Variants in CTBP2 observed in about 807,000 individuals in gnomAD.
The protein encoded by CTBP2 is C-terminal binding protein 2.
In CTBP2, 30 loss-of-function variants were observed where a neutral mutation model predicts 80.3. The observed-to-expected ratio is 0.37, with a 90% confidence interval of 0.28 to 0.51. CTBP2 has a LOEUF of 0.51. Among genes scored for constraint, CTBP2 ranks in the 20% least tolerant of loss-of-function variants. The pLI is 0.93. For synonymous variants in CTBP2, 594 were observed against 587.4 expected (o/e 1.01, Z -0.16); for missense variants, 1,212 against 1,375.3 (o/e 0.88, Z 1.88).
chr10:125,079,148 A>AG (rs1302888634), intron 2 of CTBP2, among the ~76,000 whole-genome samples: 2 of 61,612 alleles, frequency 3.2e-5, no homozygotes, highest in Non-Finnish European at 5.6e-5. Flanking sequence ...CCTTGTCTCG[A>AG]GGAAAAAAAA....
intron 2 of CTBP2, among the ~76,000 whole-genome samples, chr10:125,109,768 G>T (rs77818295): frequency 1.3e-5 from 2 of 152,234 alleles, no homozygotes; most frequent in Non-Finnish European, 2.9e-5. Context: ...CAAGCTTAAA[G>T]GGTGGGGAGG....
intron 2 of CTBP2, among the ~76,000 whole-genome samples, chr10:125,063,563 T>A (rs1844161947): frequency 6.6e-6 from 1 of 152,190 alleles, no homozygotes; most frequent in Non-Finnish European, 1.5e-5. Flanking sequence ...AAAATGCTCA[T>A]CCTCTGGCTC....
intron 2 of CTBP2, among the ~76,000 whole-genome samples, chr10:125,098,311 C>A (rs1297558192): frequency 6.6e-6 from 1 of 152,138 alleles, no homozygotes; most frequent in Non-Finnish European, 1.5e-5. Flanking sequence ...GGAACTTAGG[C>A]AGACTACTCC....
intron 2 of CTBP2, among the ~76,000 whole-genome samples, chr10:125,084,613 G>A (rs1379690895): frequency 6.6e-6 from 1 of 152,234 alleles, no homozygotes; most frequent in East Asian, 1.9e-4. Context: ...TCCGGGGGTG[G>A]CCCCAGTTAA....
intron 1 of CTBP2, among the ~76,000 whole-genome samples, chr10:125,129,496 G>C (rs1855802090): frequency 6.6e-6 from 1 of 152,100 alleles, no homozygotes; most frequent in African/African-American, 2.4e-5. Flanking sequence ...CCGTGCTCCA[G>C]GTGAAGATCT....
At chr10:125,043,342 C>T (rs1261579292) in intron 2 of CTBP2, among the ~76,000 whole-genome samples, 1 of 152,258 alleles carries the variant, frequency 6.6e-6, no homozygotes, top group Non-Finnish European at 1.5e-5. Context: ...TCGCCACCAT[C>T]ATGAGGTTCT....
chr10:124,992,968 G>A (rs1442086891), intron 7 of CTBP2, among the ~76,000 whole-genome samples, 156 bp from the exon 10 acceptor site: 1 of 152,144 alleles, frequency 6.6e-6, no homozygotes, highest in Non-Finnish European at 1.5e-5. Context: ...CTGACCTTCA[G>A]CCTCTGTGTG....
At chr10:125,156,113 T>C (rs1860871869) in intron 1 of CTBP2, among the ~76,000 whole-genome samples, 1 of 152,182 alleles carries the variant, frequency 6.6e-6, no homozygotes, top group South Asian at 2.1e-4. Flanking sequence ...ACTACAAAAA[T>C]ATGTTCCACC....
At chr10:125,156,475 AG>A (rs1390685001) in intron 1 of CTBP2, among the ~76,000 whole-genome samples, 1 of 152,248 alleles carries the variant, frequency 6.6e-6, no homozygotes, top group Non-Finnish European at 1.5e-5. Flanking sequence ...TCATGATGTT[AG>A]TGAACTGTTG....
At chr10:125,015,365 T>C (rs1222826885) in intron 1 of CTBP2, among the ~76,000 whole-genome samples, 1 of 152,256 alleles carries the variant, frequency 6.6e-6, no homozygotes, top group African/African-American at 2.4e-5. Flanking sequence ...GAAGCACTGC[T>C]GGTTTTCATA....
intron 2 of CTBP2, among the ~76,000 whole-genome samples, chr10:125,039,524 G>C (rs1041695844): frequency 2.6e-5 from 4 of 152,218 alleles, no homozygotes; most frequent in Admixed American, 2.6e-4. Context: ...AGTTGGACCT[G>C]CCCCAAACGC....
intron 2 of CTBP2, 139 bp from the exon 3 acceptor site, chr10:125,039,294 C>G: frequency 2.3e-6 from 1 of 437,774 alleles, no homozygotes; most frequent in Admixed American, 4.0e-5. Context: ...TCCCAAAGCA[C>G]TGGGAATGGA....
In CTBP2 at chr10:125,098,750, CAGAGAGAGAGAG is replaced by C. The variant is rs1265217140; in HGVS notation, c.-102+12228_-102+12239del. The stretch of plus-strand genomic sequence containing the variant: ...AGAGAGAGAGAGAGAGAGAGAGAGA[CAGAGAGAGAGAG>C]AGAGAGAGAGAGAGAGACAGAGAGA... On this transcript the variant is annotated intron_variant, in intron 2 of 10. Transcript: ENST00000337195. 1.2e-3 allele frequency among the ~76,000 whole-genome samples: 88 copies of C among 75,504 alleles called. 1 individual carries two copies. The highest frequency in any genetic ancestry group is 5.5e-3 in the African/African-American group (83 of 15,018). 49.5% of individuals were successfully genotyped at this position (75,504 alleles called of 152,430 possible).
intron 2 of CTBP2, among the ~76,000 whole-genome samples, chr10:125,069,538 G>A (rs1044084052): frequency 3.3e-5 from 5 of 152,190 alleles, no homozygotes; most frequent in East Asian, 1.9e-4. Context: ...GAACTGCCAC[G>A]AACCCAGGAG....
At chr10:125,079,375 A>T (rs2135542765) in intron 2 of CTBP2, among the ~76,000 whole-genome samples, 1 of 152,270 alleles carries the variant, frequency 6.6e-6, no homozygotes, top group East Asian at 1.9e-4. Context: ...AAAATGCTAC[A>T]GAATATTCAC....
chr10:125,112,142 T>C (rs1310244071), intron 1 of CTBP2, among the ~76,000 whole-genome samples: 5 of 141,486 alleles, frequency 3.5e-5, no homozygotes, highest in African/African-American at 1.3e-4. Context: ...AGAAAGAGTC[T>C]CACTCTGTCA....
At chr10:125,094,793 A>G (rs1849306389) in intron 2 of CTBP2, among the ~76,000 whole-genome samples, 1 of 152,222 alleles carries the variant, frequency 6.6e-6, no homozygotes, top group Non-Finnish European at 1.5e-5. Flanking sequence ...CCTTAAAGGA[A>G]TCGTAAGTTG....
chr10:125,026,190 G>A lies in CTBP2; in HGVS notation c.1570C>T (p.Leu524=). 3 of 1,612,552 alleles carry A rather than the reference G, an allele frequency of 1.9e-6. No homozygotes were observed. The highest frequency in any genetic ancestry group is 2.5e-6 in the Non-Finnish European group (3 of 1,179,104). ...TGGAGGCTCTGGCTGGCCGGCGGCA[G>A]GGTGGATGGCCCCAGGGGTGCACCT... is the stretch of plus-strand genomic sequence containing the variant. Residue 524 remains leucine, a synonymous_variant, in exon 1 of 9, where the codon CTG becomes TTG. Coordinates refer to ENST00000309035, the MANE Select transcript of CTBP2 (RefSeq NM_022802.3).
At chr10:125,002,816 C>T in intron 3 of CTBP2, 144 bp downstream of exon 5, 2 of 978,008 alleles carry the variant, frequency 2.0e-6, no homozygotes, top group Non-Finnish European at 3.0e-6. Context: ...AGGTGCTCCA[C>T]AGCCCGGCCT....
Sources: gnomAD v4.1 joint callset for allele counts (sites outside exome capture counted in the v4.1 genomes callset) on GRCh38, gnomAD v4.1.1 for gene constraint, MANE v1.5 for transcripts, NCBI Gene and HGNC (gene_info 2026-07-23, HGNC 2026-07-21) for gene names.